Variants in GNE observed in about 807,000 individuals in gnomAD.
The protein encoded by GNE is bifunctional UDP-N-acetylglucosamine 2-epimerase/N-acetylmannosamine kinase.
In GNE, 41 loss-of-function variants were observed where a neutral mutation model predicts 61.8. The observed-to-expected ratio is 0.66, with a 90% CI of 0.52 to 0.86. The LOEUF is 0.86. Ranked by LOEUF, GNE falls within the 40% of genes least tolerant of loss-of-function variation. The pLI is 0.00. For synonymous variants in GNE, 264 were observed against 326.4 expected, an observed-to-expected ratio of 0.81 and a Z score of 2.06; for missense variants, 608 against 909.1, an observed-to-expected ratio of 0.67 and a Z score of 4.26.
intron 3 of GNE, among the ~76,000 whole-genome samples, chr9:36,239,406 A>G (rs893480758): frequency 6.6e-6 from 1 of 151,982 alleles, no homozygotes; most frequent in Non-Finnish European, 1.5e-5. Context: ...ATCCATGAGC[A>G]TGGGATGTGT....
intron 3 of GNE, 145 bp from the exon 4 acceptor site, chr9:36,237,129 C>G: frequency 1.5e-6 from 1 of 672,582 alleles, no homozygotes; most frequent in South Asian, 1.7e-5. Context: ...ACAGGGCATC[C>G]AAATTAGAGT....
At chr9:36,234,885 G>C (rs1056313533) in intron 4 of GNE, among the ~76,000 whole-genome samples, 2 of 152,102 alleles carry the variant, frequency 1.3e-5, no homozygotes, top group Non-Finnish European at 2.9e-5. Context: ...GTGTTGCAAG[G>C]TAGGTAAATG....
At chr9:36,266,883 A>C (rs1252217758) in intron 1 of GNE, among the ~76,000 whole-genome samples, 1 of 151,444 alleles carries the variant, frequency 6.6e-6, no homozygotes, top group Admixed American at 6.6e-5. Flanking sequence ...TGGGTGACAA[A>C]GTAAGACTCC....
At chr9:36,234,259 T>C (rs1475945952) in intron 4 of GNE, 127 bp from the exon 5 acceptor site, 2 of 750,234 alleles carry the variant, frequency 2.7e-6, no homozygotes, top group Non-Finnish European at 4.7e-6. Flanking sequence ...AGGGAAATAG[T>C]AATTTTAACT....
chr9:36,269,472 T>C (rs1405050287), intron 1 of GNE, among the ~76,000 whole-genome samples: 1 of 151,584 alleles, frequency 6.6e-6, no homozygotes, highest in Non-Finnish European at 1.5e-5. Context: ...CACTTCAAAC[T>C]CAATATATGA....
At chr9:36,250,972 C>A (rs1209242307) in intron 1 of GNE, among the ~76,000 whole-genome samples, 4 of 152,132 alleles carry the variant, frequency 2.6e-5, no homozygotes, top group African/African-American at 9.7e-5. Context: ...AGAGCCATTG[C>A]GCCCGGCCTC....
chr9:36,272,418 G>A lies in GNE; in HGVS notation c.51+4476C>T, dbSNP rs573300232. ...AGGTGGATCACAAGTTCAGGAGATC[G>A]AGACCATCCTGGCTAACACAGTGAA... On this transcript the variant is annotated intron_variant, in intron 1 of 11. Coordinates refer to the GNE transcript ENST00000396594. Among the ~76,000 whole-genome samples the A allele has an allele frequency of 8.6e-5, 13 of 151,618 alleles. No individual in the cohort carries two copies. The South Asian group carries it at 2.5e-3, about 29-fold the overall frequency.
chr9:36,252,003 T>TTTTTTTTTTTTTTA (rs1830123355), intron 1 of GNE, among the ~76,000 whole-genome samples: 1 of 150,238 alleles, frequency 6.7e-6, no homozygotes, highest in African/African-American at 2.5e-5. Context: ...TTTTTTTTTT[T>TTTTTTTTTTTTTTA]GAGACAGAGT....
intron 1 of GNE, among the ~76,000 whole-genome samples, chr9:36,267,542 G>A (rs978337942): frequency 2.0e-4 from 30 of 151,904 alleles, no homozygotes; most frequent in Non-Finnish European, 1.8e-4. Context: ...ACTAAAATAC[G>A]AAAATTAGTC....
intron 1 of GNE, among the ~76,000 whole-genome samples, chr9:36,257,514 G>T (rs1207869159): frequency 1.3e-5 from 2 of 151,486 alleles, no homozygotes; most frequent in South Asian, 2.1e-4. Context: ...CGTAAAACTG[G>T]GGGGAGGGGC....
intron 1 of GNE, among the ~76,000 whole-genome samples, chr9:36,250,121 A>T (rs6476541): frequency 0.75 from 113,331 of 152,016 alleles, 42,750 homozygotes; most frequent in Non-Finnish European, 0.8. Flanking sequence ...GATCTAGTTC[A>T]ACTCCATCAC....
chr9:36,248,104 C>T (rs1271260404), intron 2 of GNE, among the ~76,000 whole-genome samples: 2 of 151,384 alleles, frequency 1.3e-5, no homozygotes, highest in Non-Finnish European at 2.9e-5. Flanking sequence ...TAAGTATTTC[C>T]TAGTAGCGAA....
At chr9:36,263,122 T>C (rs1412926712), upstream of GNE, 1 of 152,092 alleles carries the variant, frequency 6.6e-6, no homozygotes, top group Non-Finnish European at 1.5e-5. Flanking sequence ...CTATACTAAC[T>C]AGAGCATTGC....
At chr9:36,242,670 G>T (rs1829688202) in intron 3 of GNE, among the ~76,000 whole-genome samples, 1 of 150,620 alleles carries the variant, frequency 6.6e-6, no homozygotes, top group Non-Finnish European at 1.5e-5. Context: ...TGCCCGCCGT[G>T]GCCTCCCAAA....
chr9:36,249,290 A>G lies in GNE; in HGVS notation c.66T>C (p.Tyr22=). 6.2e-7 allele frequency: 1 copy of G among 1,614,110 alleles called. No individual in the cohort carries two copies. The highest frequency in any genetic ancestry group is 8.5e-7 in the Non-Finnish European group (1 of 1,179,938). ...VCVATCNRAD[Y]SKLAPIMFGI... ...CAAACATGATCGGGGCAAGTTTAGA[A>G]TAATCTGCACGGTTACAAGTAGCAA... The change falls in exon 2 of 12, where the codon TAT becomes TAC. Residue 22 remains tyrosine (Y), a synonymous_variant. Coordinates refer to ENST00000642385, the MANE Select transcript of GNE (RefSeq NM_005476.7).
At position 36,215,185 on chromosome 9, in the gene GNE, GGCGTGGTGCATGTGCCTGTAATCCCA is replaced by G. The variant is rs1828217367; in HGVS notation, c.*2154_*2179del. 1 of 152,106 alleles carries G rather than the reference GGCGTGGTGCATGTGCCTGTAATCCCA, an allele frequency of 6.6e-6. No individual in the cohort carries two copies. Among genetic ancestry groups the G allele is most frequent in the Non-Finnish European group, 1.5e-5 (1 of 68,050 alleles). The allele number at this position is 152,106 out of a possible 1,614,324, so 9.4% of individuals were successfully genotyped here. A position where few individuals can be genotyped will look rare whatever the true frequency, so the allele number is the denominator to read the frequency against. Reference sequence around the variant, plus strand: ...TAAAAATACAAAAAAAAATCAGCCGGGCGTGGTGCATGTGCCTGTAATCCCAGCTACTCAAGAGGCTGAGGCAGGAG... The same window carrying G: ...TAAAAATACAAAAAAAAATCAGCCGGGCTACTCAAGAGGCTGAGGCAGGAG... On this transcript the variant is annotated 3_prime_UTR_variant, in exon 12 of 12. Coordinates refer to ENST00000642385, the MANE Select transcript of GNE (RefSeq NM_005476.7).
chr9:36,250,482 C>T (rs1286786271), intron 1 of GNE, among the ~76,000 whole-genome samples: 2 of 152,292 alleles, frequency 1.3e-5, no homozygotes, highest in African/African-American at 4.8e-5. Flanking sequence ...CAATTTCATT[C>T]ATCCAAATGC....
At chr9:36,245,050 G>T (rs893566808) in intron 3 of GNE, among the ~76,000 whole-genome samples, 12 of 151,828 alleles carry the variant, frequency 7.9e-5, no homozygotes, top group Non-Finnish European at 1.6e-4. Context: ...GGCTGAGGTG[G>T]GCGGATCACC....
chr9:36,268,670 AAAAC>A (rs879417276), intron 1 of GNE, among the ~76,000 whole-genome samples: 2 of 152,252 alleles, frequency 1.3e-5, no homozygotes, highest in Admixed American at 1.3e-4. Flanking sequence ...CCCCATCTCA[AAAAC>A]AAACAAAGGT....
Sources: gnomAD v4.1 joint callset for allele counts (sites outside exome capture counted in the v4.1 genomes callset) on GRCh38, gnomAD v4.1.1 for gene constraint, MANE v1.5 for transcripts, NCBI Gene and HGNC (gene_info 2026-07-23, HGNC 2026-07-21) for gene names.